Variants in KCTD3 observed in about 807,000 individuals in gnomAD.
The protein encoded by KCTD3 is BTB/POZ domain-containing protein KCTD3.
KCTD3 carries 41 observed loss-of-function variants against 85.8 expected under a neutral mutation model. The observed-to-expected ratio is 0.48, with a 90% CI of 0.37 to 0.62. KCTD3 has a LOEUF of 0.62. Ranked by LOEUF, KCTD3 falls within the 20% of genes least tolerant of loss-of-function variation. The pLI, the probability that KCTD3 is intolerant of heterozygous loss-of-function variation, is 0.00. For missense variants in KCTD3, 724 were observed against 989.9 expected (o/e 0.73, Z 3.60); for synonymous variants, 338 against 345.4 (o/e 0.98, Z 0.24).
chr1:215,603,273 T>TA (rs1452507954), intron 12 of KCTD3, among the ~76,000 whole-genome samples: 1 of 152,160 alleles, frequency 6.6e-6, no homozygotes, highest in African/African-American at 2.4e-5. Flanking sequence ...TTTCTGGTTC[T>TA]AGGAGGTGTT....
intron 9 of KCTD3, 116 bp downstream of exon 9, chr1:215,586,801 A>G: frequency 1.3e-6 from 1 of 775,304 alleles, no homozygotes; most frequent in Non-Finnish European, 2.0e-6. Context: ...TAGAGCTGTC[A>G]CAGTATTTAA....
intron 7 of KCTD3, among the ~76,000 whole-genome samples, chr1:215,579,596 T>C (rs1008098348): frequency 6.6e-6 from 1 of 152,050 alleles, no homozygotes; most frequent in African/African-American, 2.4e-5. Context: ...CCTCCTGGGT[T>C]TACGCCATTC....
chr1:215,600,983 G>T (rs1654812063), intron 10 of KCTD3, among the ~76,000 whole-genome samples: 1 of 151,694 alleles, frequency 6.6e-6, no homozygotes, highest in Non-Finnish European at 1.5e-5. Flanking sequence ...TGTTGCCCAG[G>T]CTGGAGTGCA....
intron 10 of KCTD3, among the ~76,000 whole-genome samples, chr1:215,596,368 T>C (rs1338372272): frequency 6.6e-6 from 1 of 152,118 alleles, no homozygotes; most frequent in East Asian, 1.9e-4. Flanking sequence ...CTTTGGAATT[T>C]GGGAAAGAAG....
Position 215,611,895 on chromosome 1 carries a change from T to A in KCTD3, c.1536T>A (p.Phe512Leu). ...TTGTTCCCATCACCAACAAACTATTTGTAAGACTCTCATCGACTGGAAAAA... is the reference window on the plus strand; with the variant it reads ...TTGTTCCCATCACCAACAAACTATTAGTAAGACTCTCATCGACTGGAAAAA... ...QKVVPITNKL[F>L]VRLSSTGKRI... The change falls in exon 15 of 18, where the codon TTT (phenylalanine) becomes TTA (leucine). Residue 512 changes from phenylalanine (F) to leucine (L), a missense_variant. Transcript: ENST00000259154. 2 of 1,606,408 alleles carry A rather than the reference T, an allele frequency of 1.2e-6. No individual in the cohort carries two copies. Among genetic ancestry groups the A allele is most frequent in the Non-Finnish European group, 1.7e-6 (2 of 1,174,154 alleles).
At chr1:215,593,454 TAA>T (rs2102580015) in intron 9 of KCTD3, among the ~76,000 whole-genome samples, 1 of 152,354 alleles carries the variant, frequency 6.6e-6, no homozygotes, top group Admixed American at 6.5e-5. Flanking sequence ...CAAGACTGAT[TAA>T]AAGTTTTCAA....
At chr1:215,585,717 G>C (rs1408402444) in intron 8 of KCTD3, among the ~76,000 whole-genome samples, 3 of 152,094 alleles carry the variant, frequency 2.0e-5, no homozygotes, top group African/African-American at 7.2e-5. Context: ...TAATCGCATA[G>C]AAAACATTTC....
At chr1:215,605,736 A>G (rs1246149368) in intron 13 of KCTD3, among the ~76,000 whole-genome samples, 1 of 152,164 alleles carries the variant, frequency 6.6e-6, no homozygotes, top group Non-Finnish European at 1.5e-5. Context: ...CTGAAAATCT[A>G]GGAATCACCC....
At chr1:215,616,215 T>C (rs185778519) in intron 15 of KCTD3, among the ~76,000 whole-genome samples, 1 of 152,330 alleles carries the variant, frequency 6.6e-6, no homozygotes, top group East Asian at 1.9e-4. Flanking sequence ...AAATGTTGAT[T>C]TGTTTTATTT....
At chr1:215,570,410 A>G (rs1465415217) in intron 1 of KCTD3, among the ~76,000 whole-genome samples, 2 of 152,218 alleles carry the variant, frequency 1.3e-5, no homozygotes, top group Non-Finnish European at 2.9e-5. Context: ...TGAATTCACT[A>G]TGACTGAATT....
chr1:215,605,712 C>T (rs1654993811), intron 13 of KCTD3, among the ~76,000 whole-genome samples: 1 of 152,142 alleles, frequency 6.6e-6, no homozygotes. Flanking sequence ...TCACCATCTA[C>T]TTATCTACTC....
chr1:215,597,318 C>A (rs1016119615), intron 10 of KCTD3, among the ~76,000 whole-genome samples: 5 of 151,104 alleles, frequency 3.3e-5, no homozygotes, highest in African/African-American at 4.9e-5. Flanking sequence ...AATTACGTTA[C>A]AAAAGAATAT....
intron 17 of KCTD3, 74 bp downstream of exon 17, chr1:215,619,365 A>T (rs1461968665): frequency 7.2e-6 from 9 of 1,244,046 alleles, no homozygotes; most frequent in Non-Finnish European, 1.0e-5. Context: ...TTGTAATCAC[A>T]TAGTTGTTCT....
intron 9 of KCTD3, among the ~76,000 whole-genome samples, chr1:215,592,598 T>C (rs2102578867): frequency 6.6e-6 from 1 of 152,316 alleles, no homozygotes; most frequent in East Asian, 1.9e-4. Context: ...AGAAATTTTA[T>C]TACTTGCTTG....
At chr1:215,570,881 C>T (rs1323250168) in intron 1 of KCTD3, among the ~76,000 whole-genome samples, 1 of 152,048 alleles carries the variant, frequency 6.6e-6, no homozygotes, top group African/African-American at 2.4e-5. Context: ...ACAGAAAAGG[C>T]TTTCAAATGA....
rs747807604 is a variant in KCTD3 at position 215,618,901 on chromosome 1, G to T, written c.1578G>T (p.Gln526His). ...TCTTTTGCAGAATATGTGAGATCCA[G>T]GCTGTTGACTGTACTACAATATCCT... is the stretch of plus-strand genomic sequence containing the variant. ...SSTGKRICEI[Q>H]AVDCTTISSF... Residue 526 changes from glutamine to histidine, a missense_variant, in exon 16 of 18, where the codon CAG becomes CAT. Physicochemically the swap from Gln to His is conservative, Grantham distance 24. Around this residue, in one of 6 missense-constraint regions of KCTD3, gnomAD observed 136 missense variants for 197.6 expected, o/e 0.69. Transcript: ENST00000259154. 6.2e-7 allele frequency: 1 copy of T among 1,607,090 alleles called. No individual in the cohort carries two copies. Among genetic ancestry groups the T allele is most frequent in the South Asian group, 1.1e-5 (1 of 88,876 alleles).
At chr1:215,586,362 G>A in intron 8 of KCTD3, 133 bp from the exon 9 acceptor site, 1 of 691,714 alleles carries the variant, frequency 1.4e-6, no homozygotes, top group Middle Eastern at 3.5e-4. Context: ...ATTTGTAATA[G>A]GAAGGTGGAT....
intron 13 of KCTD3, 75 bp from the exon 14 acceptor site, chr1:215,607,942 A>G: frequency 8.5e-7 from 1 of 1,182,926 alleles, no homozygotes; most frequent in South Asian, 1.5e-5. Context: ...TGTGTAATAT[A>G]GATGATAGTG....
intron 13 of KCTD3, among the ~76,000 whole-genome samples, chr1:215,606,903 A>C: frequency 6.6e-6 from 1 of 152,144 alleles, no homozygotes; most frequent in East Asian, 1.9e-4. Flanking sequence ...TCAACTAAAA[A>C]TATTTAAATT....
Sources: allele counts gnomAD v4.1 joint callset (sites outside exome capture counted in the v4.1 genomes callset), GRCh38; gene constraint gnomAD v4.1.1; regional missense constraint gnomAD v4.1.1; transcripts MANE v1.5; gene names NCBI Gene and HGNC (gene_info 2026-07-23, HGNC 2026-07-21).